The following CDK14 variants were observed in gnomAD, a reference collection of about 807,000 sequenced individuals.
CDK14 encodes cyclin-dependent kinase 14.
A neutral mutation model predicts 60.7 loss-of-function variants in CDK14; 34 were observed. The observed-to-expected ratio is 0.56, with a 90% confidence interval of 0.43 to 0.75. CDK14 has a LOEUF of 0.75. Among genes scored for constraint, CDK14 ranks in the 30% least tolerant of loss-of-function variants. CDK14 has a pLI of 0.00. For synonymous variants in CDK14, 197 were observed against 203.7 expected, an observed-to-expected ratio of 0.97 and a Z score of 0.28; for missense variants, 482 against 564.1, an observed-to-expected ratio of 0.85 and a Z score of 1.47.
intron 7 of CDK14, among the ~76,000 whole-genome samples, chr7:90,907,241 C>G (rs2117380806): frequency 6.6e-6 from 1 of 151,976 alleles, no homozygotes; most frequent in Non-Finnish European, 1.5e-5. Context: ...CCTTTAAAGA[C>G]CATTCACTGT....
chr7:90,651,375 C>T (rs949241688), intron 2 of CDK14, among the ~76,000 whole-genome samples: 70 of 152,012 alleles, frequency 4.6e-4, no homozygotes, highest in African/African-American at 1.5e-3. Context: ...GTTCTAATAC[C>T]GATCCCTCCT....
chr7:91,040,028 A>T (rs748000825), intron 10 of CDK14, among the ~76,000 whole-genome samples: 2 of 152,210 alleles, frequency 1.3e-5, no homozygotes, highest in Non-Finnish European at 1.5e-5. Flanking sequence ...TTGAGGCTGC[A>T]GTGAGCCATG....
At chr7:91,006,223 T>C (rs2115781664) in intron 10 of CDK14, among the ~76,000 whole-genome samples, 1 of 152,368 alleles carries the variant, frequency 6.6e-6, no homozygotes, top group Non-Finnish European at 1.5e-5. Flanking sequence ...CTCATGGCTC[T>C]TTTTAGTTCT....
At chr7:90,758,272 GTCTCTC>G (rs147601499) in intron 4 of CDK14, among the ~76,000 whole-genome samples, 2 of 149,346 alleles carry the variant, frequency 1.3e-5, no homozygotes, top group African/African-American at 2.5e-5. Context: ...CTGTCTCTTT[GTCTCTC>G]TCTCTCTCTC....
intron 4 of CDK14, among the ~76,000 whole-genome samples, chr7:90,763,753 A>G (rs1030785048): frequency 6.6e-6 from 1 of 152,150 alleles, no homozygotes; most frequent in Non-Finnish European, 1.5e-5. Flanking sequence ...AACACAGCAC[A>G]TGTATACATA....
chr7:90,663,724 A>G (rs910658812), intron 2 of CDK14, among the ~76,000 whole-genome samples: 4 of 152,172 alleles, frequency 2.6e-5, no homozygotes, highest in African/African-American at 9.7e-5. Flanking sequence ...CTCCTCGATA[A>G]TGTTTGCATT....
intron 4 of CDK14, among the ~76,000 whole-genome samples, chr7:90,778,842 ACCGACCTTCCTT>A (rs1805164600): frequency 1.5e-5 from 2 of 134,882 alleles, no homozygotes; most frequent in African/African-American, 5.6e-5. Flanking sequence ...GTAAAAATTG[ACCGACCTTCCTT>A]CCTTCCTTCC....
chr7:90,598,400 A>G (rs1171097428), intron 1 of CDK14, among the ~76,000 whole-genome samples: 1 of 152,180 alleles, frequency 6.6e-6, no homozygotes, highest in Non-Finnish European at 1.5e-5. Flanking sequence ...CTCCTTTTGA[A>G]TCCAACTCTT....
chr7:91,033,534 T>C (rs35210205), intron 10 of CDK14, among the ~76,000 whole-genome samples: 21,939 of 152,218 alleles, frequency 0.14, 1,730 homozygotes, highest in African/African-American at 0.18. Flanking sequence ...GAGCTGTAGA[T>C]TCTGATTCAG....
intron 2 of CDK14, among the ~76,000 whole-genome samples, chr7:90,673,756 T>C (rs1453595958): frequency 6.6e-6 from 1 of 152,202 alleles, no homozygotes; most frequent in African/African-American, 2.4e-5. Flanking sequence ...ATTTCATGCC[T>C]TATTTGTTGT....
intron 13 of CDK14, among the ~76,000 whole-genome samples, chr7:91,116,000 T>G (rs748686125): frequency 4.6e-5 from 7 of 152,284 alleles, no homozygotes; most frequent in Non-Finnish European, 1.0e-4. Context: ...TAAAGCTGGC[T>G]AATTCTGGTG....
intron 5 of CDK14, among the ~76,000 whole-genome samples, chr7:90,803,977 G>C (rs1016878841): frequency 2.0e-5 from 3 of 152,190 alleles, no homozygotes; most frequent in African/African-American, 7.2e-5. Context: ...GCACATGATA[G>C]GCACTCAGGG....
At chr7:91,060,425 G>C (rs992431767) in intron 11 of CDK14, among the ~76,000 whole-genome samples, 4 of 152,144 alleles carry the variant, frequency 2.6e-5, no homozygotes, top group Non-Finnish European at 5.9e-5. Context: ...TGTTATGTGT[G>C]AATTTGATCC....
At chr7:91,070,269 CTGG>C (rs34650830) in intron 11 of CDK14, among the ~76,000 whole-genome samples, 110,205 of 149,748 alleles carry the variant, frequency 0.74, 40,620 homozygotes, top group East Asian at 0.93. Context: ...GCTGCTGCTG[CTGG>C]TGGTGGTGGT....
chr7:91,190,398 TA>T (rs1475639747), intron 14 of CDK14, among the ~76,000 whole-genome samples: 1 of 152,204 alleles, frequency 6.6e-6, no homozygotes, highest in Non-Finnish European at 1.5e-5. Flanking sequence ...TGAATAAAAC[TA>T]ATGACCACCA....
intron 2 of CDK14, among the ~76,000 whole-genome samples, chr7:90,691,720 A>T (rs1801557322): frequency 6.6e-6 from 1 of 152,208 alleles, no homozygotes; most frequent in Non-Finnish European, 1.5e-5. Flanking sequence ...AGGCACCTAC[A>T]ATAATCTGCA....
chr7:90,989,101 G>A (rs1203848610), intron 10 of CDK14, among the ~76,000 whole-genome samples: 3 of 151,858 alleles, frequency 2.0e-5, no homozygotes, highest in Admixed American at 6.6e-5. Context: ...TCCTTAAGCC[G>A]CTGTGCTTTG....
intron 2 of CDK14, among the ~76,000 whole-genome samples, chr7:90,670,715 A>C (rs1242845505): frequency 6.6e-6 from 1 of 152,118 alleles, no homozygotes; most frequent in Admixed American, 6.5e-5. Flanking sequence ...CACTGTCATG[A>C]GGACAGCACC....
At chr7:91,158,301 C>T (rs1211608117) in intron 14 of CDK14, among the ~76,000 whole-genome samples, 3 of 151,870 alleles carry the variant, frequency 2.0e-5, no homozygotes, top group African/African-American at 4.8e-5. Context: ...CAGTCTCGAC[C>T]TCCCGCGCTC....
Sources: allele counts gnomAD v4.1 joint callset (sites outside exome capture counted in the v4.1 genomes callset), GRCh38; gene constraint gnomAD v4.1.1; transcripts MANE v1.5; gene names NCBI Gene and HGNC (gene_info 2026-07-23, HGNC 2026-07-21).